Variants in GATB observed in about 807,000 individuals in gnomAD.
The protein encoded by GATB is glutamyl-tRNA(Gln) amidotransferase subunit B, mitochondrial.
GATB carries 39 observed loss-of-function variants against 62.3 expected under a neutral mutation model. That is an observed-to-expected ratio of 0.63 (90% CI 0.48 to 0.82). The LOEUF (loss-of-function observed/expected upper bound fraction) is 0.82. GATB is among the 40% of genes least tolerant of loss of function. GATB has a pLI of 0.00. For missense variants in GATB, 670 were observed against 684.0 expected, an observed-to-expected ratio of 0.98 and a Z score of 0.23; for synonymous variants, 276 against 258.9, an observed-to-expected ratio of 1.07 and a Z score of -0.63.
At position 151,703,835 on chromosome 4, in the gene GATB, C is replaced by T. The variant is rs1738654376; in HGVS notation, c.1007+16G>A. 4 of 1,556,204 alleles carry T rather than the reference C, an allele frequency of 2.6e-6. No individual in the cohort carries two copies. Among genetic ancestry groups the T allele is most frequent in the Non-Finnish European group, 3.5e-6 (4 of 1,127,314 alleles). ...CCCCCGATATATAGCGGTATTTTGC[C>T]ATAAGGAGTAACCACCTGTAGTCCT... On this transcript the variant is annotated intron_variant, in intron 8 of 12. Coordinates refer to ENST00000263985, the MANE Select transcript of GATB (RefSeq NM_004564.3).
In GATB at chr4:151,705,227, C is replaced by A; in HGVS notation, c.920G>T (p.Gly307Val). 1 of 1,613,526 alleles carries A rather than the reference C, an allele frequency of 6.2e-7. No homozygotes were observed. Among genetic ancestry groups the A allele is most frequent in the East Asian group, 2.2e-5 (1 of 44,868 alleles). Reference protein sequence around the residue: ...QRQINELENGGEILNETRSFH... With the variant: ...QRQINELENGVEILNETRSFH... ...TGAGCGTGTTTCGTTCAGAATTTCA[C>A]CTCCATTCTCAAGTTCATTGATTTG... The change falls in exon 7 of 13, where the codon GGT (glycine) becomes GTT (valine). Residue 307 changes from glycine to valine, a missense_variant. Coordinates refer to ENST00000263985, the MANE Select transcript of GATB (RefSeq NM_004564.3).
chr4:151,750,646 A>AT (rs1739702864), intron 2 of GATB, among the ~76,000 whole-genome samples: 1 of 151,362 alleles, frequency 6.6e-6, no homozygotes, highest in African/African-American at 2.4e-5. Flanking sequence ...GCTACATTAT[A>AT]TTTTTTTCTT....
At chr4:151,733,385 C>T (rs1454488581) in intron 2 of GATB, among the ~76,000 whole-genome samples, 4 of 152,114 alleles carry the variant, frequency 2.6e-5, no homozygotes, top group African/African-American at 9.7e-5. Flanking sequence ...TGAATAGATT[C>T]CTGGAAAAAT....
At chr4:151,726,870 T>C (rs889057005) in intron 2 of GATB, among the ~76,000 whole-genome samples, 2 of 152,190 alleles carry the variant, frequency 1.3e-5, no homozygotes, top group Non-Finnish European at 1.5e-5. Context: ...ACGGTCACCA[T>C]GAGGCACTTG....
At chr4:151,696,999 T>C (rs1432744438) in intron 9 of GATB, among the ~76,000 whole-genome samples, 4 of 152,172 alleles carry the variant, frequency 2.6e-5, no homozygotes, top group African/African-American at 7.2e-5. Context: ...TGAGGTCATG[T>C]AGAGAAAAGG....
At chr4:151,736,256 T>C (rs926446427) in intron 2 of GATB, among the ~76,000 whole-genome samples, 7 of 152,174 alleles carry the variant, frequency 4.6e-5, no homozygotes, top group African/African-American at 1.7e-4. Context: ...TAGAAAAGTA[T>C]ATAAACCCTG....
At chr4:151,755,616 CAAAT>C (rs940974306) in intron 2 of GATB, among the ~76,000 whole-genome samples, 4 of 152,138 alleles carry the variant, frequency 2.6e-5, no homozygotes, top group African/African-American at 9.7e-5. Context: ...CAAGGACAAA[CAAAT>C]ATTCTCCTAG....
chr4:151,718,509 A>C (rs951203891), intron 3 of GATB, among the ~76,000 whole-genome samples: 2 of 152,168 alleles, frequency 1.3e-5, no homozygotes, highest in Non-Finnish European at 2.9e-5. Flanking sequence ...AGATAAAGAA[A>C]GGCGGTTTAA....
intron 2 of GATB, 144 bp from the exon 3 acceptor site, chr4:151,719,682 C>A (rs934372272): frequency 2.3e-5 from 12 of 512,350 alleles, no homozygotes; most frequent in East Asian, 1.5e-4. Context: ...CTCCAGTTCA[C>A]AAGCCGAGTC....
chr4:151,709,857 T>C (rs1738783546), intron 5 of GATB, among the ~76,000 whole-genome samples: 1 of 152,198 alleles, frequency 6.6e-6, no homozygotes, highest in South Asian at 2.1e-4. Context: ...GCTCCTCTGC[T>C]TGGTGCTCCA....
rs567561358 is a variant in GATB at position 151,730,563 on chromosome 4, G to A, written c.328-11025C>T. Among the ~76,000 whole-genome samples, 2 of 152,308 alleles carry A rather than the reference G, an allele frequency of 1.3e-5. No individual in the cohort carries two copies. The highest frequency in any genetic ancestry group is 2.1e-4 in the South Asian group (1 of 4,826). On this transcript the variant is annotated intron_variant, in intron 2 of 12. Transcript: ENST00000263985. This position sits in a 1 kb window ranked among gnomAD's most constrained non-coding sequence, Gnocchi z 4.1. ...CACCAGAACAGGCGCTGGTATTCAC[G>A]GCTGAGAGACCAATGGATGGTTCAC...
chr4:151,753,515 A>C (rs1185385700), intron 2 of GATB, among the ~76,000 whole-genome samples: 1 of 152,110 alleles, frequency 6.6e-6, no homozygotes, highest in Admixed American at 6.5e-5. Context: ...TTGTAGGCTT[A>C]TCACATTTGC....
At position 151,719,495 on chromosome 4, in the gene GATB, A is replaced by T. The variant is rs75499945; in HGVS notation, c.371T>A (p.Leu124Gln). The change falls in exon 3 of 13, where the codon CTG (leucine) becomes CAG (glutamine). Residue 124 changes from leucine (L) to glutamine (Q), a missense_variant. Coordinates refer to ENST00000263985, the MANE Select transcript of GATB (RefSeq NM_004564.3). ...RCVEAAVMTG[L>Q]ALNCHINKKS... is the part of the protein sequence containing the mutation. ...CTTGTTTATGTGGCAGTTCAGAGCC[A>T]GGCCTGTCATCACCGCCGCTTCTAC... 1 of 1,611,396 alleles carries T rather than the reference A, an allele frequency of 6.2e-7. No individual in the cohort carries two copies. The highest frequency in any genetic ancestry group is 8.5e-7 in the Non-Finnish European group (1 of 1,178,804).
intron 11 of GATB, 58 bp from the exon 12 acceptor site, chr4:151,672,954 C>G: frequency 6.3e-7 from 1 of 1,594,110 alleles, no homozygotes; most frequent in East Asian, 2.2e-5. Flanking sequence ...TCTGCCAGCT[C>G]CATTTGCAGT....
At chr4:151,739,033 A>C (rs939134319) in intron 2 of GATB, among the ~76,000 whole-genome samples, 13 of 152,208 alleles carry the variant, frequency 8.5e-5, no homozygotes, top group African/African-American at 2.9e-4. Flanking sequence ...GAAAATTCAA[A>C]ATGCTATTGA....
In GATB at chr4:151,688,733, T is replaced by TC; in HGVS notation, c.1227_1228insG (p.Asn410GlufsTer7). 2 of 1,609,480 alleles carry TC rather than the reference T, an allele frequency of 1.2e-6. No individual in the cohort carries two copies. Among genetic ancestry groups the TC allele is most frequent in the Non-Finnish European group, 1.7e-6 (2 of 1,178,864 alleles). Reference sequence around the variant, plus strand: ...TCTGCCCTAGTTTCTTTTATCACATTTTGGAAGAACTCCAGTAGGCCGACT... The same window carrying TC: ...TCTGCCCTAGTTTCTTTTATCACATTCTTGGAAGAACTCCAGTAGGCCGACT... On this transcript the variant is annotated frameshift_variant, in exon 10 of 13. Coordinates refer to ENST00000263985, the MANE Select transcript of GATB (RefSeq NM_004564.3). LOFTEE classifies it high-confidence loss of function.
At chr4:151,710,514 C>T (rs1313255285) in intron 5 of GATB, among the ~76,000 whole-genome samples, 8 of 152,324 alleles carry the variant, frequency 5.3e-5, no homozygotes, top group Non-Finnish European at 7.3e-5. Context: ...CCTTAACCCA[C>T]GTCAGCCTAG....
chr4:151,670,640 TAAAC>T lies in GATB; in HGVS notation c.*530_*533del, dbSNP rs1025939426. 1 of 152,390 alleles carries T rather than the reference TAAAC, an allele frequency of 6.6e-6. No homozygotes were observed. The highest frequency in any genetic ancestry group is 2.4e-5 in the African/African-American group (1 of 41,460). The allele number at this position is 152,390 out of a possible 1,614,324, so 9.4% of individuals were successfully genotyped here. A position where few individuals can be genotyped will look rare whatever the true frequency, so the allele number is the denominator to read the frequency against. On this transcript the variant is annotated 3_prime_UTR_variant, in exon 13 of 13. Coordinates refer to ENST00000263985, the MANE Select transcript of GATB (RefSeq NM_004564.3). Reference sequence around the variant, plus strand: ...CTTCCCCACCCTCTTGAGACCTCCTTAAACAAACAAATGTGTTTATACTGTGCCA... The same window carrying T: ...CTTCCCCACCCTCTTGAGACCTCCTTAAACAAATGTGTTTATACTGTGCCA...
intron 12 of GATB, 68 bp from the exon 13 acceptor site, chr4:151,671,370 T>G (rs1465502850): frequency 6.8e-7 from 1 of 1,469,620 alleles, no homozygotes; most frequent in Non-Finnish European, 9.5e-7. Flanking sequence ...AATCCCAAAC[T>G]AAGGCTTAAG....
Sources: gnomAD v4.1 joint callset for allele counts (sites outside exome capture counted in the v4.1 genomes callset) on GRCh38, gnomAD v4.1.1 for gene constraint, Gnocchi (gnomAD v3.1) non-coding constraint, MANE v1.5 for transcripts, NCBI Gene and HGNC (gene_info 2026-07-23, HGNC 2026-07-21) for gene names.